The following URB1 variants were observed in gnomAD, a reference collection of about 807,000 sequenced individuals.
URB1 encodes URB1 ribosome biogenesis factor.
A neutral mutation model predicts 242.3 loss-of-function variants in URB1; 197 were observed. The observed-to-expected ratio is 0.81, with a 90% confidence interval of 0.72 to 0.91. The LOEUF is 0.91. Ranked by LOEUF, URB1 falls within the 40% of genes least tolerant of loss-of-function variation. The pLI is 0.00. For synonymous variants in URB1, 1,153 were observed against 1,201.8 expected, an observed-to-expected ratio of 0.96 and a Z score of 0.84; for missense variants, 2,721 against 2,860.5, an observed-to-expected ratio of 0.95 and a Z score of 1.11.
In URB1 at chr21:32,316,831, G is replaced by A. The variant is rs1453907247; in HGVS notation, c.6269C>T (p.Pro2090Leu). ...VDSASPESDAPGPVYAAASLA... is the reference protein window; with the variant it reads ...VDSASPESDALGPVYAAASLA... ...GGAAGCGGCAGCATATACGGGGCCTGGCGCATCGCTCTCGGGGCTGGCTGA... is the reference window on the plus strand; with the variant it reads ...GGAAGCGGCAGCATATACGGGGCCTAGCGCATCGCTCTCGGGGCTGGCTGA... Residue 2090 changes from proline to leucine, a missense_variant, in exon 38 of 39, where the codon CCA (proline) becomes CTA (leucine). Pro to Leu is a moderately conservative substitution (Grantham distance 98, BLOSUM62 -3). Transcript: ENST00000382751. 6.5e-7 allele frequency: 1 copy of A among 1,547,974 alleles called. No individual in the cohort carries two copies. Among genetic ancestry groups the A allele is most frequent in the African/African-American group, 1.4e-5 (1 of 73,070 alleles).
chr21:32,338,752 GA>G lies in URB1; in HGVS notation c.4464del (p.Leu1489TyrfsTer2). 1.3e-6 allele frequency: 2 copies of G among 1,551,690 alleles called. No homozygotes were observed. The highest frequency in any genetic ancestry group is 1.7e-6 in the Non-Finnish European group (2 of 1,147,004). On this transcript the variant is annotated frameshift_variant, in exon 26 of 39. Transcript: ENST00000382751. LOFTEE classifies it high-confidence loss of function. The part of the protein sequence containing the change: ...MLMQHSLFLP[T>X]LLTSDGEESP... ...CTCTCCTCTCCGTCAGACGTCAGTAGAGTCGGCAGAAACAGCGAGTGCTGCA... is the reference window on the plus strand; with the variant it reads ...CTCTCCTCTCCGTCAGACGTCAGTAGGTCGGCAGAAACAGCGAGTGCTGCA...
At position 32,354,067 on chromosome 21, in the gene URB1, C is replaced by T. The variant is rs998893011; in HGVS notation, c.2282G>A (p.Ser761Asn). The change falls in exon 18 of 39, where the codon AGT becomes AAT. Residue 761 changes from serine to asparagine, a missense_variant. Coordinates refer to ENST00000382751, the MANE Select transcript of URB1 (RefSeq NM_014825.3). ...LDMVDVLVEG[S>N]EGLDEEIGFT... Reference sequence around the variant, plus strand: ...CCCTATTTCCTCATCCAAGCCTTCACTGCCCTCCACCAGGACATCCACCAT... The same window carrying T: ...CCCTATTTCCTCATCCAAGCCTTCATTGCCCTCCACCAGGACATCCACCAT... 6 of 1,551,650 alleles carry T rather than the reference C, an allele frequency of 3.9e-6. No individual in the cohort carries two copies. In the African/African-American group the frequency reaches 5.5e-5, roughly 14 times the overall value.
At chr21:32,383,662 A>C in intron 3 of URB1, 108 bp from the exon 4 acceptor site, 1 of 1,245,348 alleles carries the variant, frequency 8.0e-7, no homozygotes, top group African/African-American at 1.6e-5. Context: ...CTATCCCCAA[A>C]CCAGAAAAAA....
In URB1 at chr21:32,350,690, G is replaced by T. The variant is rs1315548333; in HGVS notation, c.2832+14C>A. 1 of 1,549,106 alleles carries T rather than the reference G, an allele frequency of 6.5e-7. No homozygotes were observed. The highest frequency in any genetic ancestry group is 1.4e-5 in the African/African-American group (1 of 73,010). ...AGAGCTCTGAAGCCTGTGGAGGATG[G>T]GGGCAACGCTGACCTGGCCGAAGTT... On this transcript the variant is annotated intron_variant, in intron 20 of 38. Coordinates refer to ENST00000382751, the MANE Select transcript of URB1 (RefSeq NM_014825.3).
intron 30 of URB1, among the ~76,000 whole-genome samples, chr21:32,330,993 A>G (rs2032887071): frequency 6.6e-6 from 1 of 152,206 alleles, no homozygotes; most frequent in African/African-American, 2.4e-5. Context: ...CTGATAGAGG[A>G]TTGGCAAATC....
rs561104430 is a variant in URB1 at position 32,321,012 on chromosome 21, A to G, written c.5485-372T>C. Among the ~76,000 whole-genome samples the G allele has an allele frequency of 1.2e-4, 19 of 152,342 alleles. No homozygotes were observed. In the South Asian group the frequency reaches 3.9e-3, roughly 32 times the overall value. Reference sequence around the variant, plus strand: ...AGCTGCTGGCCGCCAGCCACGAGCCATGCGGCCCTGTGTTTACCACCTGGA... The same window carrying G: ...AGCTGCTGGCCGCCAGCCACGAGCCGTGCGGCCCTGTGTTTACCACCTGGA... On this transcript the variant is annotated intron_variant, in intron 34 of 38. Transcript: ENST00000382751.
At chr21:32,382,492 C>T (rs964887845) in intron 4 of URB1, among the ~76,000 whole-genome samples, 1 of 152,082 alleles carries the variant, frequency 6.6e-6, no homozygotes, top group African/African-American at 2.4e-5. Context: ...TATTATCAAC[C>T]CTTTAGTCCA....
chr21:32,361,206 A>AGAAAGAAAGAAAGAAAGAAAGAAAGAAAG (rs1568825043), intron 12 of URB1, 83 bp from the exon 13 acceptor site: 1 of 944,600 alleles, frequency 1.1e-6, no homozygotes, highest in South Asian at 1.8e-5. Context: ...AAAGAAAGAA[A>AGAAAGAAAGAAAGAAAGAAAGAAAGAAAG]ATAGCTTGAA....
intron 1 of URB1, among the ~76,000 whole-genome samples, chr21:32,390,405 T>C (rs2033624986): frequency 6.6e-6 from 1 of 152,220 alleles, no homozygotes; most frequent in African/African-American, 2.4e-5. Flanking sequence ...ATGTGTCTTT[T>C]GGCTGCATAA....
chr21:32,349,798 TAAGAG>T (rs1225452784), intron 20 of URB1, among the ~76,000 whole-genome samples: 1 of 152,070 alleles, frequency 6.6e-6, no homozygotes, highest in Non-Finnish European at 1.5e-5. Flanking sequence ...TTAATACACT[TAAGAG>T]GGAGGGCTGG....
At position 32,361,159 on chromosome 21, in the gene URB1, AAAAG is replaced by A. The variant is rs3056303; in HGVS notation, c.1640-40_1640-37del. 407 of 270,316 alleles carry A rather than the reference AAAAG, an allele frequency of 1.5e-3. 21 individuals are homozygous for A. Among genetic ancestry groups the A allele is most frequent in the South Asian group, 7.9e-3 (126 of 15,914 alleles). The allele number at this position is 270,316 out of a possible 1,614,324, so 16.7% of individuals were successfully genotyped here. A position where few individuals can be genotyped will look rare whatever the true frequency, so the allele number is the denominator to read the frequency against. On this transcript the variant is annotated intron_variant, in intron 12 of 38. Coordinates refer to ENST00000382751, the MANE Select transcript of URB1 (RefSeq NM_014825.3). ...AAAAGAAAAAGAAAGAAAAAGAGAAAAAAGAAAGAAAGAAAGAAAGAAAGAAAGA... is the reference window on the plus strand; with the variant it reads ...AAAAGAAAAAGAAAGAAAAAGAGAAAAAAGAAAGAAAGAAAGAAAGAAAGA...
chr21:32,378,392 G>GT, intron 5 of URB1, 53 bp downstream of exon 5: 2 of 1,482,078 alleles, frequency 1.3e-6, no homozygotes, highest in Non-Finnish European at 1.8e-6. Flanking sequence ...ACGGTTTGCA[G>GT]TAGGTTTTTC....
chr21:32,326,707 G>T (rs2032833842), intron 30 of URB1, among the ~76,000 whole-genome samples: 1 of 152,210 alleles, frequency 6.6e-6, no homozygotes, highest in African/African-American at 2.4e-5. Flanking sequence ...TGGCATGTAA[G>T]ATGTGCCTGC....
In URB1 at chr21:32,383,452, C is replaced by A. The variant is rs185028523; in HGVS notation, c.537G>T (p.Leu179=). The change falls in exon 4 of 39, where the codon CTG becomes CTT. Residue 179 remains leucine, a synonymous_variant. Coordinates refer to ENST00000382751, the MANE Select transcript of URB1 (RefSeq NM_014825.3). Reference sequence around the variant, plus strand: ...AATCCCTCTTGGTCACCAGGGTGTACAGGGTCTTTTTATTCAAATCAAAAT... The same window carrying A: ...AATCCCTCTTGGTCACCAGGGTGTAAAGGGTCTTTTTATTCAAATCAAAAT... ...CSHFDLNKKT[L]YTLVTKRDSK... is the part of the protein sequence containing the mutation. The A allele has an allele frequency of 1.8e-3, 2,725 of 1,551,582 alleles. 5 individuals are homozygous for A. The highest frequency in any genetic ancestry group is 3.6e-3 in the Admixed American group (185 of 50,996).
In URB1 at chr21:32,347,346, G is replaced by A. The variant is rs1028053774; in HGVS notation, c.3478C>T (p.Leu1160=). 5.2e-6 allele frequency: 8 copies of A among 1,551,288 alleles called. No individual in the cohort carries two copies. Among genetic ancestry groups the A allele is most frequent in the African/African-American group, 1.4e-5 (1 of 73,056 alleles). ...LNALGKTLVQ[L]LTCSPQDQLQ... is the part of the protein sequence containing the mutation. Reference sequence around the variant, plus strand: ...TGATCCTGGGGGCTGCAGGTCAGCAGCTGCACCAGGGTCTTTCCAAGAGCA... The same window carrying A: ...TGATCCTGGGGGCTGCAGGTCAGCAACTGCACCAGGGTCTTTCCAAGAGCA... The change falls in exon 22 of 39, where the codon CTG becomes TTG. Residue 1160 remains leucine, a synonymous_variant. Coordinates refer to ENST00000382751, the MANE Select transcript of URB1 (RefSeq NM_014825.3).
intron 7 of URB1, 60 bp from the exon 8 acceptor site, chr21:32,372,691 T>C (rs1002133057): frequency 9.4e-6 from 14 of 1,493,070 alleles, no homozygotes; most frequent in East Asian, 5.0e-5. Flanking sequence ...TAGTAAGAGC[T>C]AGAGTAAAAA....
chr21:32,319,297 G>A lies in URB1; in HGVS notation c.5712C>T (p.Ser1904=), dbSNP rs1282239671. The A allele has an allele frequency of 6.4e-7, 1 of 1,551,128 alleles. No homozygotes were observed. The highest frequency in any genetic ancestry group is 8.7e-7 in the Non-Finnish European group (1 of 1,146,730). The stretch of plus-strand genomic sequence containing the variant: ...GGGCAAGCCGCTTGGCAGGCTCCTG[G>A]GAGCTAGGCTGGCAAAGGCGCTGGC... The part of the protein sequence containing the change: ...WESQRLCQPS[S]QEPAKRLALH... The change falls in exon 36 of 39, where the codon TCC becomes TCT. Residue 1904 remains serine (S), a synonymous_variant. Coordinates refer to ENST00000382751, the MANE Select transcript of URB1 (RefSeq NM_014825.3).
chr21:32,352,662 G>A (rs1219598001), intron 19 of URB1, 48 bp downstream of exon 19: 2 of 1,546,758 alleles, frequency 1.3e-6, no homozygotes, highest in African/African-American at 1.4e-5. Context: ...GGGACCCTGG[G>A]AAGAACCCTG....
At position 32,341,365 on chromosome 21, in the gene URB1, C is replaced by T. The variant is rs1024925056; in HGVS notation, c.4316+101G>A. 8 of 1,200,394 alleles carry T rather than the reference C, an allele frequency of 6.7e-6. No homozygotes were observed. In the Admixed American group the frequency reaches 9.3e-5, roughly 14 times the overall value. 74.4% of individuals were successfully genotyped at this position (1,200,394 alleles called of 1,614,324 possible). A position where few individuals can be genotyped will look rare whatever the true frequency, so the allele number is the denominator to read the frequency against. Reference sequence around the variant, plus strand: ...TAAAAACGAGGTGACATCGGCTCCACCACGTGGATTATGCTAATAACAAGC... The same window carrying T: ...TAAAAACGAGGTGACATCGGCTCCATCACGTGGATTATGCTAATAACAAGC... On this transcript the variant is annotated intron_variant, in intron 25 of 38. Coordinates refer to ENST00000382751, the MANE Select transcript of URB1 (RefSeq NM_014825.3).
Sources: allele counts gnomAD v4.1 joint callset (sites outside exome capture counted in the v4.1 genomes callset), GRCh38; gene constraint gnomAD v4.1.1; transcripts MANE v1.5; gene names NCBI Gene and HGNC (gene_info 2026-07-23, HGNC 2026-07-21).